Variants in COL6A2 observed in about 807,000 individuals in gnomAD.
The protein encoded by COL6A2 is collagen alpha-2(VI) chain.
A neutral mutation model predicts 124.9 loss-of-function variants in COL6A2; 90 were observed. The ratio of observed to expected loss-of-function variants is 0.72; its 90% CI spans 0.61 to 0.86. The LOEUF (loss-of-function observed/expected upper bound fraction) is 0.86, where lower values mean the gene tolerates loss of function less well. Among genes scored for constraint, COL6A2 ranks in the 40% least tolerant of loss-of-function variants. The pLI is 0.00. For missense variants in COL6A2, 1,607 were observed against 1,502.5 expected (o/e 1.07, Z -1.15); for synonymous variants, 793 against 618.2 (o/e 1.28, Z -4.19).
At chr21:46,127,724 G>T (rs1356139699) in intron 27 of COL6A2, among the ~76,000 whole-genome samples, 1 of 96,926 alleles carries the variant, frequency 1.0e-5, no homozygotes, top group Non-Finnish European at 2.3e-5. Flanking sequence ...TTTGCTATCA[G>T]GTGGGGGGCC....
chr21:46,129,164 C>A (rs376192654), intron 27 of COL6A2: 5 of 1,612,532 alleles, frequency 3.1e-6, no homozygotes, highest in Non-Finnish European at 4.2e-6. Context: ...CCACCGCAGG[C>A]CTTACAGTCT....
intron 17 of COL6A2, among the ~76,000 whole-genome samples, 186 bp downstream of exon 17, chr21:46,121,309 C>T (rs578061668): frequency 3.7e-4 from 56 of 152,322 alleles, no homozygotes; most frequent in African/African-American, 1.3e-3. Context: ...GCCCCAGCCC[C>T]CCATCCTGCC....
chr21:46,126,390 G>T, intron 26 of COL6A2, 113 bp from the exon 27 acceptor site: 1 of 1,536,288 alleles, frequency 6.5e-7, no homozygotes, highest in Admixed American at 1.7e-5. Context: ...TCTCGGGGCT[G>T]CAGGGCAGAG....
At chr21:46,129,928 T>G in intron 27 of COL6A2, 2 of 796,414 alleles carry the variant, frequency 2.5e-6, no homozygotes, top group Non-Finnish European at 3.1e-6. Flanking sequence ...GGGATGGGGC[T>G]GAGGGAGGGT....
chr21:46,125,949 G>A lies in COL6A2; in HGVS notation c.2134G>A (p.Asp712Asn), dbSNP rs375608173. ...WTPSALKFAY[D>N]RLIKESRRQK... ...ACCCTCAGCCCTCAAGTTTGCCTAC[G>A]ACCGCCTCATCAAGGAGAGCCGGCG... The change falls in exon 26 of 28, where the codon GAC becomes AAC. Residue 712 changes from aspartate to asparagine, a missense_variant. By Grantham distance (23) the Asp-to-Asn change is conservative (BLOSUM62 1). This residue lies in a region of COL6A2 where 1,223 missense variants were observed against 1,052.2 expected (regional missense o/e 1.16). Coordinates refer to ENST00000300527, the MANE Select transcript of COL6A2 (RefSeq NM_001849.4). 20 of 1,613,122 alleles carry A rather than the reference G, an allele frequency of 1.2e-5. No homozygotes were observed. The highest frequency in any genetic ancestry group is 7.7e-5 in the South Asian group (7 of 91,068).
At position 46,099,889 on chromosome 21, in the gene COL6A2, C is replaced by CT. The variant is rs869028897; in HGVS notation, c.-28+1739dup. ...TCTCCACAATGGATAGCAGCACTGTCTTTTTTTTTTTTTTTTTTTTTTTCT... is the reference window on the plus strand; with the variant it reads ...TCTCCACAATGGATAGCAGCACTGTCTTTTTTTTTTTTTTTTTTTTTTTTCT... On this transcript the variant is annotated intron_variant, in intron 1 of 27. Coordinates refer to ENST00000300527, the MANE Select transcript of COL6A2 (RefSeq NM_001849.4). Among the ~76,000 whole-genome samples, 295 of 91,826 alleles carry CT rather than the reference C, an allele frequency of 3.2e-3. 1 individual carries two copies. The highest frequency in any genetic ancestry group is 9.3e-3 in the African/African-American group (243 of 26,040). The allele number at this position is 91,826 out of a possible 152,430, so 60.2% of individuals were successfully genotyped here.
chr21:46,123,170 C>T (rs1393644642), intron 21 of COL6A2, among the ~76,000 whole-genome samples: 3 of 119,292 alleles, frequency 2.5e-5, no homozygotes, highest in African/African-American at 6.6e-5. Flanking sequence ...CCCACAGCAT[C>T]CCCCACAAGG....
At chr21:46,106,840 A>T (rs778899997) in intron 1 of COL6A2, among the ~76,000 whole-genome samples, 1 of 152,152 alleles carries the variant, frequency 6.6e-6, no homozygotes, top group Non-Finnish European at 1.5e-5. Context: ...TCATCACTCT[A>T]TTTTTTATTT....
Position 46,119,024 on chromosome 21 carries a change from C to T in COL6A2, c.1180-6C>T, listed in dbSNP as rs2078520126. The T allele has an allele frequency of 5.6e-6, 9 of 1,606,350 alleles. No individual in the cohort carries two copies. The highest frequency in any genetic ancestry group is 7.7e-6 in the Non-Finnish European group (9 of 1,174,086). On this transcript the variant is annotated splice_polypyrimidine_tract_variant and splice_region_variant and intron_variant, in intron 13 of 27. Coordinates refer to ENST00000300527, the MANE Select transcript of COL6A2 (RefSeq NM_001849.4). Reference sequence around the variant, plus strand: ...TGGGTGACTGTGCTGTCCTCTCCTTCTTCAGGGGTATCAAGGCAACAGTGG... The same window carrying T: ...TGGGTGACTGTGCTGTCCTCTCCTTTTTCAGGGGTATCAAGGCAACAGTGG...
intron 17 of COL6A2, among the ~76,000 whole-genome samples, 173 bp downstream of exon 17, chr21:46,121,296 T>TCAGCCC (rs952029520): frequency 1.3e-5 from 2 of 152,028 alleles, no homozygotes; most frequent in Non-Finnish European, 2.9e-5. Flanking sequence ...ATACCCACCC[T>TCAGCCC]CAGCCCCAGC....
chr21:46,118,624 GC>G lies in COL6A2; in HGVS notation c.1129del (p.Arg377AlafsTer31). The G allele has an allele frequency of 6.2e-7, 1 of 1,612,510 alleles. No individual in the cohort carries two copies. Among genetic ancestry groups the G allele is most frequent in the South Asian group, 1.1e-5 (1 of 90,940 alleles). ...TGCAAACCCTTCCAGGGGGACCCTG[GC>G]CGCCCAGGACGCAGAGGGCCCCCGG... ...RGDQGGKGDP[G>X]RPGRRGPPGE... On this transcript the variant is annotated frameshift_variant, in exon 13 of 28. Transcript: ENST00000300527. LOFTEE classifies it high-confidence loss of function.
chr21:46,120,990 GGATT>G (rs1031170208), intron 16 of COL6A2, 67 bp from the exon 17 acceptor site: 173 of 1,453,124 alleles, frequency 1.2e-4, no homozygotes, highest in Admixed American at 2.3e-4. Context: ...AGTGTCCACA[GGATT>G]GATACTGGGG....
chr21:46,130,371 C>T (rs530323273), intron 27 of COL6A2, among the ~76,000 whole-genome samples: 7 of 152,288 alleles, frequency 4.6e-5, no homozygotes, highest in Non-Finnish European at 7.4e-5. Flanking sequence ...CCAAAGGGAG[C>T]GGCCCCCACG....
At chr21:46,127,749 G>A (rs967279437) in intron 27 of COL6A2, among the ~76,000 whole-genome samples, 1 of 152,126 alleles carries the variant, frequency 6.6e-6, no homozygotes, top group Non-Finnish European at 1.5e-5. Context: ...TCTCCACTCT[G>A]GGTCCAGTGT....
chr21:46,118,003 C>A, intron 12 of COL6A2, 67 bp downstream of exon 12: 1 of 1,480,754 alleles, frequency 6.8e-7, no homozygotes, highest in Non-Finnish European at 9.3e-7. Context: ...CTGGAGGCAG[C>A]CCCAGCTGAG....
At chr21:46,122,618 A>G in intron 20 of COL6A2, 87 bp downstream of exon 20, 2 of 1,440,622 alleles carry the variant, frequency 1.4e-6, no homozygotes, top group East Asian at 2.3e-5. Context: ...ACCGTCACTG[A>G]CAGGACCACC....
chr21:46,121,606 G>C lies in COL6A2; in HGVS notation c.1509G>C (p.Gln503His). Residue 503 changes from glutamine (Q) to histidine (H), a missense_variant, in exon 18 of 28, where the codon CAG (glutamine) becomes CAC (histidine). Gln to His is a conservative substitution (Grantham distance 24). Transcript: ENST00000300527. ...GDAGPRGDSG[Q>H]PGPKGDPGRP... ...CAGGACCCCGTGGAGACTCAGGACAGCCAGGCCCCAAGGTACGTGCCCCTC... is the reference window on the plus strand; with the variant it reads ...CAGGACCCCGTGGAGACTCAGGACACCCAGGCCCCAAGGTACGTGCCCCTC... 1.2e-6 allele frequency: 2 copies of C among 1,612,772 alleles called. No homozygotes were observed. Among genetic ancestry groups the C allele is most frequent in the East Asian group, 4.5e-5 (2 of 44,850 alleles).
chr21:46,117,496 G>T (rs759351708), intron 11 of COL6A2, 43 bp downstream of exon 11: 11 of 1,599,388 alleles, frequency 6.9e-6, no homozygotes, highest in African/African-American at 1.3e-5. Context: ...GGCCCAGGGG[G>T]TGTGGGTGCC....
intron 1 of COL6A2, among the ~76,000 whole-genome samples, chr21:46,101,777 G>A (rs1314483470): frequency 6.7e-6 from 1 of 150,000 alleles, no homozygotes; most frequent in African/African-American, 2.5e-5. Flanking sequence ...CACTGTTGAT[G>A]ACTGCAGCTT....
Sources: gnomAD v4.1 joint callset for allele counts (sites outside exome capture counted in the v4.1 genomes callset) on GRCh38, gnomAD v4.1.1 for gene constraint, gnomAD v4.1.1 regional missense constraint, MANE v1.5 for transcripts, NCBI Gene and HGNC (gene_info 2026-07-23, HGNC 2026-07-21) for gene names.